PLAGL1: variants seen among roughly 807,000 people sequenced by gnomAD.
PLAGL1 encodes the protein zinc finger protein PLAGL1.
In PLAGL1, 1 loss-of-function variant was observed where a neutral mutation model predicts 4.6. That is an observed-to-expected ratio of 0.22 (90% CI 0.08 to 1.03). PLAGL1 has a LOEUF of 1.03. Ranked by LOEUF, PLAGL1 falls within the 50% of genes least tolerant of loss-of-function variation. The pLI is 0.58. For synonymous variants in PLAGL1, 240 were observed against 237.8 expected, an observed-to-expected ratio of 1.01 and a Z score of -0.08; for missense variants, 464 against 570.4, an observed-to-expected ratio of 0.81 and a Z score of 1.90.
chr6:144,023,702 G>C (rs1796132716), intron 1 of PLAGL1, among the ~76,000 whole-genome samples: 1 of 151,810 alleles, frequency 6.6e-6, no homozygotes, highest in African/African-American at 2.4e-5. Flanking sequence ...TAAGCAAGAG[G>C]GGAAAGCTAG....
intron 1 of PLAGL1, among the ~76,000 whole-genome samples, chr6:144,029,524 G>C (rs1396681220): frequency 6.6e-6 from 1 of 152,210 alleles, no homozygotes; most frequent in Non-Finnish European, 1.5e-5. Context: ...GAAGAATAGA[G>C]AGCTAGCTCT....
intron 2 of PLAGL1, among the ~76,000 whole-genome samples, chr6:143,977,024 GAGA>G (rs1160392990): frequency 6.6e-6 from 1 of 151,760 alleles, no homozygotes; most frequent in Non-Finnish European, 1.5e-5. Context: ...CTACTTTTTA[GAGA>G]AGTTTATGTT....
rs1796019912 is a variant in PLAGL1 at position 144,022,149 on chromosome 6, A to G, written c.-151+42319T>C. On this transcript the variant is annotated intron_variant, in intron 1 of 3. Transcript: ENST00000437412. This position sits in a 1 kb window ranked among gnomAD's most constrained non-coding sequence, Gnocchi z 4.2. ...GAATTATTTGCAAATCACATATCTG[A>G]GAAATAACTTATATTAAATATACAA... Among the ~76,000 whole-genome samples, 1 of 151,508 alleles carries G rather than the reference A, an allele frequency of 6.6e-6. No homozygotes were observed. The highest frequency in any genetic ancestry group is 1.5e-5 in the Non-Finnish European group (1 of 68,050).
Position 143,989,078 on chromosome 6 carries a change from AC to A in PLAGL1, c.-583-3905del, listed in dbSNP as rs1562507669. On this transcript the variant is annotated intron_variant, in intron 1 of 7. Coordinates refer to ENST00000674357, the MANE Select transcript of PLAGL1 (RefSeq NM_001317162.2). This position sits in a 1 kb window ranked among gnomAD's most constrained non-coding sequence, Gnocchi z 4.8. ...AGAGTAGACCACTCAAAACCTATGC[AC>A]TTTTGTAATCACAGCGCTAACCAAA... Among the ~76,000 whole-genome samples the A allele has an allele frequency of 6.6e-6, 1 of 152,224 alleles. No individual in the cohort carries two copies. Among genetic ancestry groups the A allele is most frequent in the Non-Finnish European group, 1.5e-5 (1 of 68,018 alleles).
At chr6:144,018,432 A>C (rs927493178) in intron 1 of PLAGL1, among the ~76,000 whole-genome samples, 2 of 152,320 alleles carry the variant, frequency 1.3e-5, no homozygotes, top group East Asian at 1.9e-4. Flanking sequence ...AGTTTCAGTA[A>C]GGAGGAATAA....
Position 143,948,123 on chromosome 6 carries a change from G to C in PLAGL1, c.14C>G (p.Pro5Arg). The C allele has an allele frequency of 6.2e-7, 1 of 1,613,600 alleles. No individual in the cohort carries two copies. The highest frequency in any genetic ancestry group is 8.5e-7 in the Non-Finnish European group (1 of 1,179,890). MATF[P>R]CQLCGKTFLT... Reference sequence around the variant, plus strand: ...GAACGTCTTGCCACATAACTGGCAGGGGAACGTGGCCATGGGCTTTGCTTC... The same window carrying C: ...GAACGTCTTGCCACATAACTGGCAGCGGAACGTGGCCATGGGCTTTGCTTC... The change falls in exon 7 of 8, where the codon CCC (proline) becomes CGC (arginine). Residue 5 changes from proline to arginine, a missense_variant. Pro to Arg is a moderately radical substitution (Grantham distance 103). Around this residue, in one of 4 missense-constraint regions of PLAGL1, gnomAD observed 161 missense variants for 196.7 expected, o/e 0.82. Coordinates refer to ENST00000674357, the MANE Select transcript of PLAGL1 (RefSeq NM_001317162.2). The surrounding 1 kb of genome is among the most constrained non-coding windows in gnomAD (Gnocchi z 6.0).
intron 1 of PLAGL1, among the ~76,000 whole-genome samples, chr6:143,998,220 C>T (rs1792097249): frequency 6.6e-6 from 1 of 152,150 alleles, no homozygotes; most frequent in African/African-American, 2.4e-5. Flanking sequence ...CTATCATGGT[C>T]ACCAAAGTGA....
chr6:143,966,829 C>T lies in PLAGL1; in HGVS notation c.-471-631G>A, dbSNP rs1784514995. ...ATGATCCCCGCCTCCCTTCATCCCC[C>T]ACTGCTTTCATTTTAATTTTTTGTT... On this transcript the variant is annotated intron_variant, in intron 3 of 7. Coordinates refer to ENST00000674357, the MANE Select transcript of PLAGL1 (RefSeq NM_001317162.2). This position sits in a 1 kb window ranked among gnomAD's most constrained non-coding sequence, Gnocchi z 6.0. The T allele has an allele frequency of 6.6e-6, 1 of 152,128 alleles. No individual in the cohort carries two copies. 9.4% of individuals were successfully genotyped at this position (152,128 alleles called of 1,614,324 possible).
At position 144,022,992 on chromosome 6, in the gene PLAGL1, T is replaced by C. The variant is rs118173240; in HGVS notation, c.-151+41476A>G. Among the ~76,000 whole-genome samples, 2,867 of 152,294 alleles carry C rather than the reference T, an allele frequency of 0.019. 40 individuals carry two copies. Among genetic ancestry groups the C allele is most frequent in the Non-Finnish European group, 0.03 (2,029 of 68,022 alleles). On this transcript the variant is annotated intron_variant, in intron 1 of 3. Transcript: ENST00000437412. The surrounding 1 kb of genome is among the most constrained non-coding windows in gnomAD (Gnocchi z 4.2). ...CCAAAAACTGGGAGCAACCACAATG[T>C]CCCTCAATAGATGAATGGACAAACT...
Position 143,949,545 on chromosome 6 carries a change from C to T in PLAGL1, c.-324-1085G>A, listed in dbSNP as rs1780569810. Among the ~76,000 whole-genome samples the T allele has an allele frequency of 6.6e-6, 1 of 152,224 alleles. No individual in the cohort carries two copies. The highest frequency in any genetic ancestry group is 1.5e-5 in the Non-Finnish European group (1 of 68,036). The stretch of plus-strand genomic sequence containing the variant: ...ACAGCAGGTTTCAAATCGGCCTCTA[C>T]CTGCCACTACCTGCCAGGGTAAAGC... On this transcript the variant is annotated intron_variant, in intron 6 of 7. Transcript: ENST00000674357. The surrounding 1 kb of genome is among the most constrained non-coding windows in gnomAD (Gnocchi z 5.3).
rs989861851 is a variant in PLAGL1 at position 143,945,352 on chromosome 6, A to G, written c.152+2633T>C. 1.3e-5 allele frequency among the ~76,000 whole-genome samples: 2 copies of G among 152,160 alleles called. No homozygotes were observed. Among genetic ancestry groups the G allele is most frequent in the Non-Finnish European group, 2.9e-5 (2 of 68,042 alleles). On this transcript the variant is annotated intron_variant, in intron 7 of 7. Transcript: ENST00000674357. This position sits in a 1 kb window ranked among gnomAD's most constrained non-coding sequence, Gnocchi z 4.2. ...TTGATTGCTCACATTAGGACCTCCA[A>G]CCTTGCCAAATCATCTTTTCTTGCC... is the stretch of plus-strand genomic sequence containing the variant.
At chr6:143,992,069 G>C (rs1316424029) in intron 1 of PLAGL1, among the ~76,000 whole-genome samples, 1 of 152,186 alleles carries the variant, frequency 6.6e-6, no homozygotes, top group Admixed American at 6.5e-5. Context: ...GACTTCGTTG[G>C]TTAGCTTTGA....
rs1782652975 is a variant in PLAGL1, at chr6:143,958,501, C to T, written c.-325+1968G>A. On this transcript the variant is annotated intron_variant, in intron 6 of 7. Coordinates refer to ENST00000674357, the MANE Select transcript of PLAGL1 (RefSeq NM_001317162.2). This position sits in a 1 kb window ranked among gnomAD's most constrained non-coding sequence, Gnocchi z 5.1. ...GCTGCACCTGTTCCCAAGCTCACTC[C>T]ACTTCCTCCAGAAGCATGCCTGTCT... Among the ~76,000 whole-genome samples, 1 of 152,144 alleles carries T rather than the reference C, an allele frequency of 6.6e-6. No individual in the cohort carries two copies. The highest frequency in any genetic ancestry group is 1.5e-5 in the Non-Finnish European group (1 of 68,024).
In PLAGL1 at chr6:143,952,917, G is replaced by A. The variant is rs1446264239; in HGVS notation, c.-324-4457C>T. 1.3e-5 allele frequency among the ~76,000 whole-genome samples: 2 copies of A among 152,182 alleles called. No homozygotes were observed. The highest frequency in any genetic ancestry group is 1.9e-4 in the East Asian group (1 of 5,196). On this transcript the variant is annotated intron_variant, in intron 6 of 7. Transcript: ENST00000674357. The surrounding 1 kb of genome is among the most constrained non-coding windows in gnomAD (Gnocchi z 6.1). ...CTATCAAATTTAAAAAAGCTATTTA[G>A]AAATGTCATCAGGAGAAAGATGATA...
rs1237363225 is a variant in PLAGL1 at position 143,970,370 on chromosome 6, TAAC to T, written c.-543-1395_-543-1393del. On this transcript the variant is annotated intron_variant, in intron 2 of 7. Transcript: ENST00000674357. This position sits in a 1 kb window ranked among gnomAD's most constrained non-coding sequence, Gnocchi z 5.8. Reference sequence around the variant, plus strand: ...ACTACTGAAAATATACTAAGTATTTTAACAACCTCATTAACATACAAATGATTA... The same window carrying T: ...ACTACTGAAAATATACTAAGTATTTTAACCTCATTAACATACAAATGATTA... 6.6e-6 allele frequency among the ~76,000 whole-genome samples: 1 copy of T among 152,220 alleles called. No individual in the cohort carries two copies.
intron 1 of PLAGL1, among the ~76,000 whole-genome samples, chr6:144,046,782 G>T (rs1798184858): frequency 6.6e-6 from 1 of 152,216 alleles, no homozygotes; most frequent in Non-Finnish European, 1.5e-5. Context: ...GTTCAGCTAT[G>T]CCCTGCCCCC....
rs1450592812 is a variant in PLAGL1, at chr6:143,942,285, G to A, written c.531C>T (p.Val177=). 2 of 1,613,958 alleles carry A rather than the reference G, an allele frequency of 1.2e-6. No individual in the cohort carries two copies. Among genetic ancestry groups the A allele is most frequent in the African/African-American group, 1.3e-5 (1 of 74,888 alleles). ...TRKDVRRHLV[V]HTGCKDFLCQ... Reference sequence around the variant, plus strand: ...ACAGGAAGTCCTTGCATCCTGTGTGGACCACCAGGTGGCGTCGCACATCCT... The same window carrying A: ...ACAGGAAGTCCTTGCATCCTGTGTGAACCACCAGGTGGCGTCGCACATCCT... Residue 177 remains valine, a synonymous_variant, in exon 8 of 8, where the codon GTC becomes GTT. Transcript: ENST00000674357. This position sits in a 1 kb window ranked among gnomAD's most constrained non-coding sequence, Gnocchi z 7.6.
intron 2 of PLAGL1, among the ~76,000 whole-genome samples, chr6:143,969,697 G>A (rs983072070): frequency 1.3e-5 from 2 of 151,870 alleles, no homozygotes; most frequent in Non-Finnish European, 2.9e-5. Context: ...ATTCCTTTGG[G>A]TAAGGGAAAC....
At position 144,039,285 on chromosome 6, in the gene PLAGL1, T is replaced by C. The variant is rs1440385514; in HGVS notation, c.-151+25183A>G. Among the ~76,000 whole-genome samples the C allele has an allele frequency of 6.6e-6, 1 of 152,120 alleles. No individual in the cohort carries two copies. Among genetic ancestry groups the C allele is most frequent in the Admixed American group, 6.6e-5 (1 of 15,260 alleles). On this transcript the variant is annotated intron_variant, in intron 1 of 3. Transcript: ENST00000437412. This position sits in a 1 kb window ranked among gnomAD's most constrained non-coding sequence, Gnocchi z 4.1. ...TTCATTAGTCATCAGATAATGAAAT[T>C]TTAAAATATCACATGCTGGCCAGAT...
Sources: allele counts gnomAD v4.1 joint callset (sites outside exome capture counted in the v4.1 genomes callset), GRCh38; gene constraint gnomAD v4.1.1; regional missense constraint gnomAD v4.1.1; non-coding constraint Gnocchi (gnomAD v3.1); transcripts MANE v1.5; gene names NCBI Gene and HGNC (gene_info 2026-07-23, HGNC 2026-07-21).